Variants in GAB1 observed in about 807,000 individuals in gnomAD.
GAB1 encodes the protein GRB2 associated binding protein 1, also known as GRB2-associated-binding protein 1.
Under a neutral mutation model 66.5 loss-of-function variants are expected in GAB1, and 19 were observed. The observed-to-expected ratio is 0.29, with a 90% CI of 0.20 to 0.42. The LOEUF (loss-of-function observed/expected upper bound fraction) is 0.42, where lower values mean the gene tolerates loss of function less well. Among genes scored for constraint, GAB1 ranks in the 10% least tolerant of loss-of-function variants. The probability of loss-of-function intolerance (pLI) is 1.00; values close to 1 mark genes in which losing one functional copy is unlikely to be tolerated. For missense variants in GAB1, 732 were observed against 858.5 expected (o/e 0.85, Z 1.84); for synonymous variants, 294 against 301.4 (o/e 0.98, Z 0.25).
At chr4:143,461,380 AGG>A (rs1466811728) in intron 8 of GAB1, among the ~76,000 whole-genome samples, 1 of 152,180 alleles carries the variant, frequency 6.6e-6, no homozygotes, top group Non-Finnish European at 1.5e-5. Context: ...TAGAGTCTTC[AGG>A]GATTCAGACC....
chr4:143,429,915 C>G (rs1733559666), intron 2 of GAB1, among the ~76,000 whole-genome samples: 1 of 152,224 alleles, frequency 6.6e-6, no homozygotes, highest in Non-Finnish European at 1.5e-5. Context: ...TTATACCTTA[C>G]TCAATTATTA....
intron 1 of GAB1, among the ~76,000 whole-genome samples, chr4:143,367,468 C>A (rs1049674870): frequency 1.3e-5 from 2 of 151,798 alleles, no homozygotes; most frequent in Non-Finnish European, 2.9e-5. Flanking sequence ...ATATAAAGTA[C>A]CTCTTTGCAG....
At chr4:143,457,674 A>T in intron 6 of GAB1, 1 of 1,395,538 alleles carries the variant, frequency 7.2e-7, no homozygotes, top group Non-Finnish European at 9.8e-7. Context: ...TCTTTTTACC[A>T]ATTAGGTCAA....
At chr4:143,460,960 G>A (rs1212266927) in intron 8 of GAB1, among the ~76,000 whole-genome samples, 4 of 152,252 alleles carry the variant, frequency 2.6e-5, no homozygotes, top group Non-Finnish European at 2.9e-5. Context: ...ATGGTGAAAT[G>A]GTCTTATAAG....
intron 1 of GAB1, chr4:143,349,480 G>A: frequency 1.3e-6 from 2 of 1,514,704 alleles, no homozygotes; most frequent in South Asian, 2.2e-5. Flanking sequence ...GCAGCCCTGG[G>A]CTGGGGTGTA....
chr4:143,358,722 C>T (rs536669140), intron 1 of GAB1, among the ~76,000 whole-genome samples: 1 of 152,042 alleles, frequency 6.6e-6, no homozygotes, highest in African/African-American at 2.4e-5. Flanking sequence ...TATTTTCAGG[C>T]CCAAATATGA....
At chr4:143,455,130 CT>C (rs1560782834) in intron 6 of GAB1, among the ~76,000 whole-genome samples, 1 of 152,080 alleles carries the variant, frequency 6.6e-6, no homozygotes, top group Non-Finnish European at 1.5e-5. Context: ...TTTAAAAGCT[CT>C]TTTTGTTGTC....
chr4:143,394,384 T>C (rs1419774726), intron 1 of GAB1, among the ~76,000 whole-genome samples: 3 of 152,226 alleles, frequency 2.0e-5, no homozygotes, highest in Non-Finnish European at 2.9e-5. Context: ...CCTCCTTCCC[T>C]TGGGAACCCA....
At chr4:143,444,191 T>C (rs1348462274) in intron 6 of GAB1, among the ~76,000 whole-genome samples, 1 of 152,222 alleles carries the variant, frequency 6.6e-6, no homozygotes, top group African/African-American at 2.4e-5. Context: ...TGTCATGACA[T>C]AAATCTAGTA....
intron 6 of GAB1, among the ~76,000 whole-genome samples, chr4:143,446,301 A>G (rs969863608): frequency 2.6e-5 from 4 of 152,196 alleles, no homozygotes; most frequent in Non-Finnish European, 4.4e-5. Flanking sequence ...TCCTTTGGGT[A>G]TATACCCAGT....
intron 1 of GAB1, among the ~76,000 whole-genome samples, chr4:143,373,885 ATT>A (rs10542359): frequency 0.03 from 4,098 of 137,618 alleles, 656 homozygotes; most frequent in African/African-American, 0.11. Context: ...ATATATATAT[ATT>A]TTTACCTTTC....
chr4:143,379,025 C>T (rs761193134), intron 1 of GAB1, among the ~76,000 whole-genome samples: 1 of 151,998 alleles, frequency 6.6e-6, no homozygotes, highest in Non-Finnish European at 1.5e-5. Context: ...CCCCCAAACC[C>T]GAGGAGCTTT....
chr4:143,370,555 CT>C (rs201252697), intron 1 of GAB1, among the ~76,000 whole-genome samples: 258 of 149,738 alleles, frequency 1.7e-3, no homozygotes, highest in African/African-American at 5.8e-3. Context: ...GTACAGAACT[CT>C]TTTTTTTTTA....
rs2149637368 is a variant in GAB1 at position 143,336,882 on chromosome 4, C to A, written c.-307C>A. The A allele has an allele frequency of 2.4e-6, 1 of 413,976 alleles. No individual in the cohort carries two copies. Among genetic ancestry groups the A allele is most frequent in the African/African-American group, 2.1e-5 (1 of 46,978 alleles). 25.6% of individuals were successfully genotyped at this position (413,976 alleles called of 1,614,324 possible). The stretch of plus-strand genomic sequence containing the variant: ...TCCGGCACCGAGTCGGGGCAGAGTC[C>A]CGCTGAGTCCGAGCGCTGCTGAGGC... On this transcript the variant is annotated 5_prime_UTR_variant, in exon 1 of 10. Transcript: ENST00000262994.
At chr4:143,354,044 G>A (rs1729341561) in intron 1 of GAB1, among the ~76,000 whole-genome samples, 1 of 152,158 alleles carries the variant, frequency 6.6e-6, no homozygotes, top group Admixed American at 6.5e-5. Flanking sequence ...ACTTTGCTCT[G>A]AAGTGAATAG....
intron 2 of GAB1, among the ~76,000 whole-genome samples, chr4:143,428,415 A>G (rs1028320486): frequency 3.9e-5 from 6 of 152,208 alleles, no homozygotes; most frequent in Non-Finnish European, 8.8e-5. Context: ...ACTGGTGGCT[A>G]TAGTTATGCT....
chr4:143,344,306 C>T (rs1728920851), intron 1 of GAB1, among the ~76,000 whole-genome samples: 1 of 152,132 alleles, frequency 6.6e-6, no homozygotes. Flanking sequence ...ACATGAAACC[C>T]CCTCTCCCTG....
intron 6 of GAB1, among the ~76,000 whole-genome samples, chr4:143,450,752 G>A (rs1031206457): frequency 1.3e-5 from 2 of 152,022 alleles, no homozygotes; most frequent in Non-Finnish European, 2.9e-5. Flanking sequence ...TTAGCCAGGC[G>A]TGGTGGCGCA....
intron 3 of GAB1, among the ~76,000 whole-genome samples, chr4:143,437,436 G>A (rs1733995720): frequency 6.6e-6 from 1 of 152,184 alleles, no homozygotes; most frequent in African/African-American, 2.4e-5. Context: ...CTAAATGTTT[G>A]TTAAAGAAAA....
Sources: allele counts gnomAD v4.1 joint callset (sites outside exome capture counted in the v4.1 genomes callset), GRCh38; gene constraint gnomAD v4.1.1; transcripts MANE v1.5; gene names NCBI Gene and HGNC (gene_info 2026-07-23, HGNC 2026-07-21).